Variants in LPP observed in about 807,000 individuals in gnomAD.
The protein encoded by LPP is lipoma-preferred partner.
A neutral mutation model predicts 60.4 loss-of-function variants in LPP; 38 were observed. That is an observed-to-expected ratio of 0.63 (90% CI 0.49 to 0.83). The LOEUF (loss-of-function observed/expected upper bound fraction) is 0.83, where lower values mean the gene tolerates loss of function less well. Among genes scored for constraint, LPP ranks in the 40% least tolerant of loss-of-function variants. LPP has a pLI of 0.00. For synonymous variants in LPP, 328 were observed against 290.8 expected (o/e 1.13, Z -1.30); for missense variants, 902 against 783.6 (o/e 1.15, Z -1.80).
At chr3:188,349,316 A>G (rs1393781032) in intron 3 of LPP, among the ~76,000 whole-genome samples, 1 of 152,228 alleles carries the variant, frequency 6.6e-6, no homozygotes, top group Non-Finnish European at 1.5e-5. Context: ...CTAATGAAAT[A>G]TTTTAGTTTC....
chr3:188,760,208 A>G lies in LPP; in HGVS notation c.1336A>G (p.Ile446Val), dbSNP rs1203047772. 2 of 1,614,154 alleles carry G rather than the reference A, an allele frequency of 1.2e-6. No homozygotes were observed. The highest frequency in any genetic ancestry group is 1.7e-5 in the Admixed American group (1 of 60,008). The change falls in exon 9 of 12, where the codon ATC (isoleucine) becomes GTC (valine). Residue 446 changes from isoleucine (I) to valine (V), a missense_variant. Coordinates refer to ENST00000617246, the MANE Select transcript of LPP (RefSeq NM_001375462.1). The stretch of plus-strand genomic sequence containing the variant: ...CCACGTGGATTGTTTTACCTGCATC[A>G]TCTGCAACAACAAGCTCCGAGGGCA... ...VFHVDCFTCI[I>V]CNNKLRGQPF...
chr3:188,596,644 G>A (rs1840044380), intron 6 of LPP, among the ~76,000 whole-genome samples: 1 of 152,030 alleles, frequency 6.6e-6, no homozygotes, highest in African/African-American at 2.4e-5. Flanking sequence ...AACATCTAGT[G>A]ACTTTGTTAG....
chr3:188,328,800 T>C (rs1759169633), intron 2 of LPP, among the ~76,000 whole-genome samples: 1 of 152,356 alleles, frequency 6.6e-6, no homozygotes, highest in Admixed American at 6.5e-5. Flanking sequence ...ATTAAAAATA[T>C]GTCTACTTTT....
chr3:188,154,188 G>GCCA lies in LPP; in HGVS notation c.-252_-251insACC. The GCCA allele has an allele frequency of 7.3e-6, 1 of 136,416 alleles. No individual in the cohort carries two copies. The highest frequency in any genetic ancestry group is 1.5e-5 in the Non-Finnish European group (1 of 68,380). 8.5% of individuals were successfully genotyped at this position (136,416 alleles called of 1,614,324 possible). The stretch of plus-strand genomic sequence containing the variant: ...TCCTCTGCCTCTGCCTCCGCCTCCA[G>GCCA]CCGCCGCCGCCGCCGCCGCCGCCGC... On this transcript the variant is annotated 5_prime_UTR_variant, in exon 1 of 12. Coordinates refer to ENST00000617246, the MANE Select transcript of LPP (RefSeq NM_001375462.1).
At chr3:188,698,675 T>C (rs1863782013) in intron 7 of LPP, among the ~76,000 whole-genome samples, 1 of 152,198 alleles carries the variant, frequency 6.6e-6, no homozygotes, top group Admixed American at 6.5e-5. Flanking sequence ...CAGGATAACA[T>C]CAGTGGTTGT....
At chr3:188,800,833 T>C (rs564780395) in intron 9 of LPP, among the ~76,000 whole-genome samples, 1 of 152,332 alleles carries the variant, frequency 6.6e-6, no homozygotes, top group East Asian at 1.9e-4. Flanking sequence ...AGTAACTGCT[T>C]GCCTATTCAT....
intron 3 of LPP, among the ~76,000 whole-genome samples, chr3:188,357,470 T>TA (rs11411527): frequency 0.095 from 14,438 of 152,210 alleles, 764 homozygotes; most frequent in East Asian, 0.21. Flanking sequence ...ATTTAAAGAC[T>TA]TGAGCACCCA....
intron 6 of LPP, among the ~76,000 whole-genome samples, chr3:188,580,493 CAG>C (rs1835822421): frequency 6.6e-6 from 1 of 152,112 alleles, no homozygotes; most frequent in South Asian, 2.1e-4. Context: ...CTAAAGGATT[CAG>C]AGAGTTTCCA....
intron 3 of LPP, among the ~76,000 whole-genome samples, chr3:188,356,832 A>G (rs573586838): frequency 6.6e-6 from 1 of 152,350 alleles, no homozygotes; most frequent in African/African-American, 2.4e-5. Context: ...GGGTTGACAA[A>G]GACCATTATT....
At chr3:188,378,688 C>G (rs947299705) in intron 3 of LPP, among the ~76,000 whole-genome samples, 1 of 152,298 alleles carries the variant, frequency 6.6e-6, no homozygotes, top group Admixed American at 6.5e-5. Flanking sequence ...CACCCTGCTT[C>G]GGCTCGTGCA....
chr3:188,443,725 A>G (rs942727720), intron 4 of LPP, among the ~76,000 whole-genome samples: 20 of 152,196 alleles, frequency 1.3e-4, no homozygotes, highest in Admixed American at 3.9e-4. Flanking sequence ...GATGGAAACA[A>G]GTGTTCCAGT....
intron 3 of LPP, among the ~76,000 whole-genome samples, chr3:188,399,033 T>C (rs1781616112): frequency 6.6e-6 from 1 of 152,256 alleles, no homozygotes; most frequent in Non-Finnish European, 1.5e-5. Context: ...CGTTGGCTAC[T>C]TGTAAAGTCA....
At chr3:188,562,635 C>T (rs971336449) in intron 6 of LPP, among the ~76,000 whole-genome samples, 19 of 151,970 alleles carry the variant, frequency 1.3e-4, no homozygotes, top group African/African-American at 3.6e-4. Flanking sequence ...TGAAATGTAA[C>T]GTGCGGCACT....
intron 5 of LPP, 116 bp from the exon 6 acceptor site, chr3:188,524,549 A>T (rs1348668127): frequency 9.4e-7 from 1 of 1,064,406 alleles, no homozygotes; most frequent in Non-Finnish European, 1.3e-6. Flanking sequence ...CTTAATTAAA[A>T]AAAAAAGAGG....
At chr3:188,203,538 A>AAT (rs535836830) in intron 1 of LPP, among the ~76,000 whole-genome samples, 3 of 86,372 alleles carry the variant, frequency 3.5e-5, no homozygotes, top group Non-Finnish European at 6.1e-5. Flanking sequence ...TATATATTTA[A>AAT]ATATATATAT....
intron 2 of LPP, among the ~76,000 whole-genome samples, chr3:188,267,010 A>T (rs1287251585): frequency 6.6e-6 from 1 of 152,186 alleles, no homozygotes; most frequent in Non-Finnish European, 1.5e-5. Flanking sequence ...GAGAAAAAGC[A>T]TGTGCTCTCC....
At chr3:188,297,152 C>A (rs1310484043) in intron 2 of LPP, among the ~76,000 whole-genome samples, 1 of 152,190 alleles carries the variant, frequency 6.6e-6, no homozygotes, top group Admixed American at 6.5e-5. Flanking sequence ...ATAATTCAGT[C>A]TGGTTAATCT....
chr3:188,262,254 A>G (rs752570707), intron 2 of LPP, among the ~76,000 whole-genome samples: 9 of 152,050 alleles, frequency 5.9e-5, no homozygotes, highest in Non-Finnish European at 1.2e-4. Context: ...GCTTGACTCT[A>G]CCGATATTCC....
chr3:188,421,622 A>C (rs553760352), intron 4 of LPP, among the ~76,000 whole-genome samples: 128 of 152,170 alleles, frequency 8.4e-4, no homozygotes, highest in Non-Finnish European at 1.8e-3. Context: ...GTAATATAGC[A>C]ATTAATAACT....
Sources: gnomAD v4.1 joint callset for allele counts (sites outside exome capture counted in the v4.1 genomes callset) on GRCh38, gnomAD v4.1.1 for gene constraint, MANE v1.5 for transcripts, NCBI Gene and HGNC (gene_info 2026-07-23, HGNC 2026-07-21) for gene names.